Variants in HIKESHI observed in about 807,000 individuals in gnomAD.
HIKESHI encodes heat shock protein nuclear import factor hikeshi.
Under a neutral mutation model 25.7 loss-of-function variants are expected in HIKESHI, and 13 were observed. The observed-to-expected ratio is 0.51, with a 90% confidence interval of 0.33 to 0.80. The LOEUF is 0.80. Ranked by LOEUF, HIKESHI falls within the 30% of genes least tolerant of loss-of-function variation. The pLI is 0.02. For synonymous variants in HIKESHI, 76 were observed against 78.7 expected (o/e 0.97, Z 0.18); for missense variants, 174 against 229.5 (o/e 0.76, Z 1.56).
intron 2 of HIKESHI, among the ~76,000 whole-genome samples, chr11:86,330,964 T>C (rs775296029): frequency 2.0e-5 from 3 of 152,110 alleles, no homozygotes; most frequent in Non-Finnish European, 4.4e-5. Flanking sequence ...TCGTTATGGA[T>C]CTCAGTGATA....
intron 4 of HIKESHI, 63 bp downstream of exon 4, chr11:86,344,784 T>C (rs748013045): frequency 1.5e-5 from 16 of 1,095,138 alleles, no homozygotes; most frequent in Non-Finnish European, 2.1e-5. Context: ...ATTTTGTCTA[T>C]GAATATATTC....
chr11:86,345,741 T>G lies in HIKESHI; in HGVS notation c.*103T>G, dbSNP rs1947854936. 1.8e-6 allele frequency: 1 copy of G among 562,882 alleles called. No homozygotes were observed. The highest frequency in any genetic ancestry group is 3.0e-6 in the Non-Finnish European group (1 of 328,380). The allele number at this position is 562,882 out of a possible 1,614,324, so 34.9% of individuals were successfully genotyped here. Reference sequence around the variant, plus strand: ...GTCAAAGGATCACGAAACCTAAGTTTAAAAACTGCTTAGAGACTGAAGCTT... The same window carrying G: ...GTCAAAGGATCACGAAACCTAAGTTGAAAAACTGCTTAGAGACTGAAGCTT... On this transcript the variant is annotated 3_prime_UTR_variant, in exon 5 of 5. Transcript: ENST00000278483.
At chr11:86,320,342 C>T (rs1426586909) in intron 2 of HIKESHI, among the ~76,000 whole-genome samples, 1 of 152,208 alleles carries the variant, frequency 6.6e-6, no homozygotes, top group African/African-American at 2.4e-5. Flanking sequence ...CTTTGGGAGG[C>T]CGAGGCAGGT....
At chr11:86,344,545 T>C in intron 3 of HIKESHI, 58 bp from the exon 4 acceptor site, 2 of 988,466 alleles carry the variant, frequency 2.0e-6, no homozygotes, top group Non-Finnish European at 3.0e-6. Flanking sequence ...AATTTAAAAA[T>C]ATTGAGTTCT....
At chr11:86,317,528 G>C (rs575800922) in intron 2 of HIKESHI, among the ~76,000 whole-genome samples, 5 of 152,328 alleles carry the variant, frequency 3.3e-5, no homozygotes, top group African/African-American at 1.2e-4. Flanking sequence ...TCAAGGGCTG[G>C]GTGTGGTGGC....
In HIKESHI at chr11:86,307,091, G is replaced by A. The variant is rs167088; in HGVS notation, c.268+609G>A. Among the ~76,000 whole-genome samples, 36 of 27,330 alleles carry A rather than the reference G, an allele frequency of 1.3e-3. 5 individuals carry two copies. The Admixed American group carries it at 0.014, about 10-fold the overall frequency. The allele number at this position is 27,330 out of a possible 152,430, so 17.9% of individuals were successfully genotyped here. A position where few individuals can be genotyped will look rare whatever the true frequency, so the allele number is the denominator to read the frequency against. On this transcript the variant is annotated intron_variant, in intron 2 of 4. Coordinates refer to ENST00000278483, the MANE Select transcript of HIKESHI (RefSeq NM_016401.4). ...AATATACATCATGTATCAAATATGT[G>A]TAATATACATCATGTATCAAATATA... is the stretch of plus-strand genomic sequence containing the variant.
intron 4 of HIKESHI, chr11:86,345,085 G>C: frequency 2.7e-6 from 3 of 1,091,040 alleles, no homozygotes. Context: ...ACTTTCCCGT[G>C]TTTTATAGAT....
intron 2 of HIKESHI, among the ~76,000 whole-genome samples, chr11:86,328,434 GTTT>G (rs533776972): frequency 1.5e-5 from 2 of 133,022 alleles, no homozygotes; most frequent in Non-Finnish European, 3.3e-5. Flanking sequence ...AATGTTTTTT[GTTT>G]TTTTTTTTTT....
At chr11:86,337,819 G>A (rs1354144813) in intron 3 of HIKESHI, among the ~76,000 whole-genome samples, 1 of 151,980 alleles carries the variant, frequency 6.6e-6, no homozygotes, top group Non-Finnish European at 1.5e-5. Flanking sequence ...CACCACACCC[G>A]GCTAAGTTTT....
intron 2 of HIKESHI, among the ~76,000 whole-genome samples, chr11:86,310,383 G>A (rs1044190578): frequency 2.6e-5 from 4 of 152,148 alleles, no homozygotes; most frequent in African/African-American, 7.2e-5. Context: ...TTATTGGTGT[G>A]TAAGAATGCT....
rs1294331261 is a variant in HIKESHI, at chr11:86,306,227, A to G, written c.31-18A>G. ...ACTCATAGAACCATTGAACTGAGAC[A>G]AGTTTCTTATTTTCTAGGTGCAAAC... On this transcript the variant is annotated intron_variant, in intron 1 of 4. Transcript: ENST00000278483. 14 of 1,556,834 alleles carry G rather than the reference A, an allele frequency of 9.0e-6. No homozygotes were observed. The highest frequency in any genetic ancestry group is 1.2e-5 in the Non-Finnish European group (14 of 1,130,602).
intron 2 of HIKESHI, among the ~76,000 whole-genome samples, chr11:86,327,604 G>A (rs1028415522): frequency 1.3e-5 from 2 of 151,938 alleles, no homozygotes; most frequent in Non-Finnish European, 2.9e-5. Context: ...ATGAGCCACC[G>A]CGCCCAGCCA....
chr11:86,343,521 G>A (rs1947789675), intron 3 of HIKESHI: 1 of 152,256 alleles, frequency 6.6e-6, no homozygotes, highest in African/African-American at 2.4e-5. Context: ...TATAATCTCA[G>A]CTACTTGGGA....
At chr11:86,340,506 T>C (rs2138422649) in intron 3 of HIKESHI, among the ~76,000 whole-genome samples, 1 of 152,388 alleles carries the variant, frequency 6.6e-6, no homozygotes, top group South Asian at 2.1e-4. Flanking sequence ...TGACCAGTGA[T>C]GATGAGCATT....
At chr11:86,345,193 C>T (rs1363550797) in intron 4 of HIKESHI, 1 of 1,011,724 alleles carries the variant, frequency 9.9e-7, no homozygotes, top group Non-Finnish European at 1.2e-6. Flanking sequence ...CATTGGAATG[C>T]ACTAGGTTTG....
chr11:86,322,887 A>G (rs1301791945), intron 2 of HIKESHI, among the ~76,000 whole-genome samples: 1 of 152,184 alleles, frequency 6.6e-6, no homozygotes. Flanking sequence ...TCCATCATCA[A>G]GCATGTTCTC....
chr11:86,303,282 G>A (rs1397555079), intron 1 of HIKESHI: 1 of 377,404 alleles, frequency 2.6e-6, no homozygotes, highest in Non-Finnish European at 3.6e-6. Context: ...TTTTTAAAAT[G>A]TTGCAGTCCC....
At chr11:86,315,766 A>C (rs11234610) in intron 2 of HIKESHI, among the ~76,000 whole-genome samples, 19,496 of 152,120 alleles carry the variant, frequency 0.13, 1,549 homozygotes, top group East Asian at 0.37. Flanking sequence ...AAAAGGATGC[A>C]AGACACAAAG....
intron 3 of HIKESHI, among the ~76,000 whole-genome samples, chr11:86,342,336 G>A (rs759224583): frequency 1.8e-4 from 28 of 152,072 alleles, no homozygotes; most frequent in Non-Finnish European, 3.7e-4. Flanking sequence ...TTTTAACATT[G>A]CTTATAGTGA....
Sources: gnomAD v4.1 joint callset for allele counts (sites outside exome capture counted in the v4.1 genomes callset) on GRCh38, gnomAD v4.1.1 for gene constraint, MANE v1.5 for transcripts, NCBI Gene and HGNC (gene_info 2026-07-23, HGNC 2026-07-21) for gene names.